The following PIK3R1 variants were observed in gnomAD, a reference collection of about 807,000 sequenced individuals.
The protein encoded by PIK3R1 is phosphatidylinositol 3-kinase regulatory subunit alpha.
Under a neutral mutation model 98.0 loss-of-function variants are expected in PIK3R1, and 29 were observed. The observed-to-expected ratio is 0.30, with a 90% CI of 0.22 to 0.40. The LOEUF is 0.40. Ranked by LOEUF, PIK3R1 falls within the 10% of genes least tolerant of loss-of-function variation. The pLI is 1.00. For missense variants in PIK3R1, 596 were observed against 872.7 expected (o/e 0.68, Z 3.99); for synonymous variants, 282 against 311.8 (o/e 0.90, Z 1.01).
chr5:68,293,504 T>TC, intron 10 of PIK3R1, 21 bp downstream of exon 10: 1 of 1,547,918 alleles, frequency 6.5e-7, no homozygotes. Context: ...CTGAATGAAT[T>TC]ATCCAGTTAC....
At chr5:68,240,131 T>C (rs1411058114) in intron 2 of PIK3R1, among the ~76,000 whole-genome samples, 1 of 150,178 alleles carries the variant, frequency 6.7e-6, no homozygotes, top group Non-Finnish European at 1.5e-5. Context: ...TGTATAAATA[T>C]ATATTTGTAT....
chr5:68,278,801 G>A (rs755814738), intron 4 of PIK3R1, among the ~76,000 whole-genome samples: 9 of 151,994 alleles, frequency 5.9e-5, no homozygotes, highest in African/African-American at 9.7e-5. Context: ...TTAGCCAGGC[G>A]TGGTGGTACA....
At position 68,244,512 on chromosome 5, in the gene PIK3R1, A is replaced by ACTGCCCCCCCCCCCCCCCCCC. The variant is rs1390340649; in HGVS notation, c.334+17504_334+17505insTGCCCCCCCCCCCCCCCCCCC. On this transcript the variant is annotated intron_variant, in intron 2 of 15. Transcript: ENST00000521381. ...TTTTAGGGCCGCCTATTTCTCTAGG[A>ACTGCCCCCCCCCCCCCCCCCC]CCGCCCCCCCGCCCCCCGCCGCCGC... Among the ~76,000 whole-genome samples, 2 of 20,950 alleles carry ACTGCCCCCCCCCCCCCCCCCC rather than the reference A, an allele frequency of 9.5e-5. 1 individual carries two copies. The highest frequency in any genetic ancestry group is 9.6e-4 in the African/African-American group (2 of 2,074). 13.7% of individuals were successfully genotyped at this position (20,950 alleles called of 152,430 possible).
chr5:68,220,556 C>T (rs1744057519), intron 1 of PIK3R1, among the ~76,000 whole-genome samples: 1 of 152,200 alleles, frequency 6.6e-6, no homozygotes, highest in Non-Finnish European at 1.5e-5. Context: ...GTACCTTCCC[C>T]TCATGTTGGC....
intron 7 of PIK3R1, among the ~76,000 whole-genome samples, chr5:68,283,252 C>T (rs960622468): frequency 2.0e-5 from 3 of 152,194 alleles, no homozygotes; most frequent in Non-Finnish European, 2.9e-5. Flanking sequence ...AAAAGCAAGA[C>T]TCTGTTATAG....
At chr5:68,239,962 A>C in intron 2 of PIK3R1, 1 of 490,392 alleles carries the variant, frequency 2.0e-6, no homozygotes. Flanking sequence ...AGGGCAGTTC[A>C]TTCCTCCTGC....
At chr5:68,219,084 G>GA (rs1171024648) in intron 1 of PIK3R1, among the ~76,000 whole-genome samples, 1 of 152,144 alleles carries the variant, frequency 6.6e-6, no homozygotes, top group Non-Finnish European at 1.5e-5. Context: ...CACATGAGCT[G>GA]AAAAAATAGA....
chr5:68,295,174 A>G lies in PIK3R1; in HGVS notation c.1595A>G (p.Lys532Arg). 2 of 1,614,008 alleles carry G rather than the reference A, an allele frequency of 1.2e-6. No individual in the cohort carries two copies. The highest frequency in any genetic ancestry group is 1.7e-6 in the Non-Finnish European group (2 of 1,179,884). Residue 532 changes from lysine (K) to arginine (R), a missense_variant, in exon 13 of 16, where the codon AAG becomes AGG. By Grantham distance (26) the Lys-to-Arg change is conservative. Coordinates refer to ENST00000521381, the MANE Select transcript of PIK3R1 (RefSeq NM_181523.3). ...ATTATGCATAATTATGATAAGTTGA[A>G]GTCTCGAATCAGTGAAATTATTGAC... ...QRIMHNYDKL[K>R]SRISEIIDSR...
At chr5:68,256,574 T>C (rs1189508564) in intron 2 of PIK3R1, among the ~76,000 whole-genome samples, 1 of 152,182 alleles carries the variant, frequency 6.6e-6, no homozygotes, top group African/African-American at 2.4e-5. Context: ...CAAGGTATTA[T>C]TGCTGTACTT....
intron 2 of PIK3R1, among the ~76,000 whole-genome samples, chr5:68,253,052 TCTC>T (rs1745378770): frequency 6.6e-6 from 1 of 152,208 alleles, no homozygotes; most frequent in African/African-American, 2.4e-5. Flanking sequence ...CCTTGTCTCT[TCTC>T]CTAGCAATAC....
At chr5:68,262,010 A>C (rs1156605876) in intron 2 of PIK3R1, among the ~76,000 whole-genome samples, 1 of 152,136 alleles carries the variant, frequency 6.6e-6, no homozygotes, top group Non-Finnish European at 1.5e-5. Flanking sequence ...CCGCAGTGAT[A>C]AATGATTGCT....
chr5:68,247,200 A>G (rs536553058), intron 2 of PIK3R1, among the ~76,000 whole-genome samples: 11 of 152,306 alleles, frequency 7.2e-5, no homozygotes, highest in Non-Finnish European at 1.3e-4. Context: ...TTTTGAGTAG[A>G]GGAGGTATGC....
chr5:68,262,659 G>A (rs1374768571), intron 2 of PIK3R1, among the ~76,000 whole-genome samples: 1 of 128,854 alleles, frequency 7.8e-6, no homozygotes, highest in East Asian at 2.2e-4. Flanking sequence ...GTATCTGCAT[G>A]TATACACATG....
At chr5:68,292,809 AACTT>A (rs1747465958) in intron 8 of PIK3R1, 1 of 1,136,246 alleles carries the variant, frequency 8.8e-7, no homozygotes, top group Non-Finnish European at 1.2e-6. Context: ...AAAAAATAAA[AACTT>A]AGTACCACAG....
In PIK3R1 at chr5:68,267,225, C is replaced by G. The variant is rs138256586; in HGVS notation, c.335-6165C>G. On this transcript the variant is annotated intron_variant, in intron 2 of 15. Coordinates refer to ENST00000521381, the MANE Select transcript of PIK3R1 (RefSeq NM_181523.3). ...ATCACAATTAATTAGGCTAGCCTGT[C>G]AAAGATTAAATGTAATCTTGCATTT... 2.3e-3 allele frequency among the ~76,000 whole-genome samples: 345 copies of G among 152,306 alleles called. 1 individual carries two copies. The highest frequency in any genetic ancestry group is 0.014 in the East Asian group (73 of 5,192).
At chr5:68,230,174 C>T (rs1246648833) in intron 2 of PIK3R1, among the ~76,000 whole-genome samples, 1 of 152,232 alleles carries the variant, frequency 6.6e-6, no homozygotes, top group Non-Finnish European at 1.5e-5. Flanking sequence ...TCTTTCGTCT[C>T]ATGGAGTCTG....
intron 2 of PIK3R1, among the ~76,000 whole-genome samples, chr5:68,261,546 C>T (rs184527182): frequency 6.6e-6 from 1 of 151,894 alleles, no homozygotes; most frequent in East Asian, 1.9e-4. Context: ...ATTGAAAACC[C>T]CTTTCTAGTT....
chr5:68,288,605 A>G (rs536245247), intron 7 of PIK3R1: 1 of 1,556,092 alleles, frequency 6.4e-7, no homozygotes, highest in East Asian at 2.3e-5. Context: ...TCGGCGCCGG[A>G]CACGAGCACT....
Position 68,298,510 on chromosome 5 carries a change from G to A in PIK3R1, c.*909G>A, listed in dbSNP as rs1158713948. 4 of 232,598 alleles carry A rather than the reference G, an allele frequency of 1.7e-5. No homozygotes were observed. Among genetic ancestry groups the A allele is most frequent in the East Asian group, 6.1e-5 (1 of 16,448 alleles). 14.4% of individuals were successfully genotyped at this position (232,598 alleles called of 1,614,324 possible). A position where few individuals can be genotyped will look rare whatever the true frequency, so the allele number is the denominator to read the frequency against. Reference sequence around the variant, plus strand: ...TGTTGCTTGAAAATATTGTTGTCCCGGATTTTTGTTAATATTCATTTTTGT... The same window carrying A: ...TGTTGCTTGAAAATATTGTTGTCCCAGATTTTTGTTAATATTCATTTTTGT... On this transcript the variant is annotated 3_prime_UTR_variant, in exon 16 of 16. Transcript: ENST00000521381.
Sources: gnomAD v4.1 joint callset for allele counts (sites outside exome capture counted in the v4.1 genomes callset) on GRCh38, gnomAD v4.1.1 for gene constraint, MANE v1.5 for transcripts, NCBI Gene and HGNC (gene_info 2026-07-23, HGNC 2026-07-21) for gene names.